PCDHGA1: variants seen among roughly 807,000 people sequenced by gnomAD.
The protein encoded by PCDHGA1 is protocadherin gamma subfamily A, 1.
Under a neutral mutation model 58.0 loss-of-function variants are expected in PCDHGA1, and 32 were observed. That is an observed-to-expected ratio of 0.55 (90% CI 0.42 to 0.74). PCDHGA1 has a LOEUF of 0.74. Among genes scored for constraint, PCDHGA1 ranks in the 30% least tolerant of loss-of-function variants. The pLI is 0.00. For synonymous variants in PCDHGA1, 498 were observed against 501.1 expected, an observed-to-expected ratio of 0.99 and a Z score of 0.08; for missense variants, 1,205 against 1,182.3, an observed-to-expected ratio of 1.02 and a Z score of -0.28.
chr5:141,345,684 T>C, intron 1 of PCDHGA1: 1 of 1,614,188 alleles, frequency 6.2e-7, no homozygotes, highest in Non-Finnish European at 8.5e-7. Context: ...GCTGAACCTG[T>C]TCGTGCTGGA....
Position 141,477,531 on chromosome 5 carries a change from C to G in PCDHGA1, c.2422-17276C>G. ...GTTTACATTGAAGAAAACAACCTCC[C>G]CGGGGCTCCAATACTAAACCTAAGT... On this transcript the variant is annotated intron_variant, in intron 1 of 3. Coordinates refer to ENST00000517417, the MANE Select transcript of PCDHGA1 (RefSeq NM_018912.3). This position sits in a 1 kb window ranked among gnomAD's most constrained non-coding sequence, Gnocchi z 4.9. The G allele has an allele frequency of 6.2e-7, 1 of 1,614,162 alleles. No homozygotes were observed. Among genetic ancestry groups the G allele is most frequent in the South Asian group, 1.1e-5 (1 of 91,086 alleles).
At position 141,421,041 on chromosome 5, in the gene PCDHGA1, C is replaced by T. The variant is rs963777669; in HGVS notation, c.2422-73766C>T. The T allele has an allele frequency of 1.8e-5, 10 of 546,514 alleles. No individual in the cohort carries two copies. The African/African-American group carries it at 1.9e-4, about 11-fold the overall frequency. 33.9% of individuals were successfully genotyped at this position (546,514 alleles called of 1,614,324 possible). A position where few individuals can be genotyped will look rare whatever the true frequency, so the allele number is the denominator to read the frequency against. ...CTGCGCGCCATTGAGTCCCTCCCTC[C>T]CCCGCCTCTACCACACAAAGCGGAA... On this transcript the variant is annotated intron_variant, in intron 1 of 3. Coordinates refer to ENST00000517417, the MANE Select transcript of PCDHGA1 (RefSeq NM_018912.3).
At chr5:141,344,212 C>G in intron 1 of PCDHGA1, 1 of 1,613,992 alleles carries the variant, frequency 6.2e-7, no homozygotes, top group Admixed American at 1.7e-5. Flanking sequence ...CGGGAGCTGG[C>G]GGAGCGCGGA....
intron 1 of PCDHGA1, chr5:141,383,863 C>T: frequency 6.2e-7 from 1 of 1,613,890 alleles, no homozygotes; most frequent in South Asian, 1.1e-5. Flanking sequence ...GGTTCAGGCT[C>T]AAGATGGTCC....
Position 141,490,900 on chromosome 5 carries a change from G to A in PCDHGA1, c.2422-3907G>A, listed in dbSNP as rs2099705863. 2 of 1,613,796 alleles carry A rather than the reference G, an allele frequency of 1.2e-6. No individual in the cohort carries two copies. The highest frequency in any genetic ancestry group is 2.7e-5 in the African/African-American group (2 of 75,050). ...TGCCAACACATCTCTGCATGTGTTT[G>A]TCCTAGACGAGAATGATAATGCCCC... On this transcript the variant is annotated intron_variant, in intron 1 of 3. Transcript: ENST00000517417. The surrounding 1 kb of genome is among the most constrained non-coding windows in gnomAD (Gnocchi z 5.4).
rs1024937106 is a variant in PCDHGA1 at position 141,343,955 on chromosome 5, G to A, written c.2421+10850G>A. The stretch of plus-strand genomic sequence containing the variant: ...GTGAATTAGGCCCGTAAAAGACTTC[G>A]TTTCTTGAGAAAATAAGATTGGAGT... On this transcript the variant is annotated intron_variant, in intron 1 of 3. Transcript: ENST00000517417. The A allele has an allele frequency of 6.0e-6, 8 of 1,341,250 alleles. No individual in the cohort carries two copies. In the African/African-American group the frequency reaches 8.9e-5, roughly 15 times the overall value. The allele number at this position is 1,341,250 out of a possible 1,614,324, so 83.1% of individuals were successfully genotyped here. A position where few individuals can be genotyped will look rare whatever the true frequency, so the allele number is the denominator to read the frequency against.
rs757707945 is a variant in PCDHGA1 at position 141,399,045 on chromosome 5, A to C, written c.2421+65940A>C. On this transcript the variant is annotated intron_variant, in intron 1 of 3. Coordinates refer to ENST00000517417, the MANE Select transcript of PCDHGA1 (RefSeq NM_018912.3). ...CCACTCAAAAGAAACTGGATTTTGAAGAGACCAAGGAATATTCAATGGTTG... is the reference window on the plus strand; with the variant it reads ...CCACTCAAAAGAAACTGGATTTTGACGAGACCAAGGAATATTCAATGGTTG... The C allele has an allele frequency of 3.1e-6, 5 of 1,613,878 alleles. No individual in the cohort carries two copies. The Admixed American group carries it at 5.0e-5, about 16-fold the overall frequency.
intron 1 of PCDHGA1, among the ~76,000 whole-genome samples, chr5:141,446,777 C>CTT (rs1480571336): frequency 1.3e-5 from 2 of 152,072 alleles, no homozygotes; most frequent in Non-Finnish European, 2.9e-5. Flanking sequence ...GGTTACCATT[C>CTT]TTTTACTCTG....
At chr5:141,458,485 A>G (rs2098946793) in intron 1 of PCDHGA1, among the ~76,000 whole-genome samples, 1 of 151,558 alleles carries the variant, frequency 6.6e-6, no homozygotes, top group Non-Finnish European at 1.5e-5. Context: ...GAAAATGAGG[A>G]CTGCCTGTAC....
At position 141,431,578 on chromosome 5, in the gene PCDHGA1, C is replaced by T. The variant is rs756332070; in HGVS notation, c.2422-63229C>T. 6.2e-7 allele frequency: 1 copy of T among 1,614,164 alleles called. No homozygotes were observed. On this transcript the variant is annotated intron_variant, in intron 1 of 3. Coordinates refer to ENST00000517417, the MANE Select transcript of PCDHGA1 (RefSeq NM_018912.3). This position sits in a 1 kb window ranked among gnomAD's most constrained non-coding sequence, Gnocchi z 4.8. ...ACGCTACCGACCCTGACGAAGGAGT[C>T]AATGCGGAAGTGAGGTATTCCTTCC...
intron 1 of PCDHGA1, chr5:141,421,294 A>G (rs779984795): frequency 1.9e-6 from 3 of 1,613,304 alleles, no homozygotes; most frequent in Non-Finnish European, 2.5e-6. Context: ...TTTCCTGGGG[A>G]CGCTGCGGGG....
rs979093310 is a variant in PCDHGA1 at position 141,486,621 on chromosome 5, A to G, written c.2422-8186A>G. On this transcript the variant is annotated intron_variant, in intron 1 of 3. Transcript: ENST00000517417. This position sits in a 1 kb window ranked among gnomAD's most constrained non-coding sequence, Gnocchi z 5.0. The stretch of plus-strand genomic sequence containing the variant: ...TGCTCCCTTGCAGCCTCTGACCCAG[A>G]CTCTGGCTTGAATGCGCTTATCTCC... 6.2e-7 allele frequency: 1 copy of G among 1,613,388 alleles called. No individual in the cohort carries two copies. The highest frequency in any genetic ancestry group is 1.3e-5 in the African/African-American group (1 of 74,960).
At chr5:141,357,524 A>G (rs1760641249) in intron 1 of PCDHGA1, 1 of 1,614,218 alleles carries the variant, frequency 6.2e-7, no homozygotes, top group Non-Finnish European at 8.5e-7. Context: ...CAACCCAGCT[A>G]TGCAGACACG....
At chr5:141,428,064 G>C in intron 1 of PCDHGA1, 1 of 1,609,060 alleles carries the variant, frequency 6.2e-7, no homozygotes, top group East Asian at 2.2e-5. Flanking sequence ...GGCGGTGGAC[G>C]CAGATTCGGG....
At chr5:141,439,190 CAA>C (rs200519543) in intron 1 of PCDHGA1, among the ~76,000 whole-genome samples, 3 of 111,702 alleles carry the variant, frequency 2.7e-5, no homozygotes, top group Non-Finnish European at 4.0e-5. Flanking sequence ...GAGACTCTGA[CAA>C]AAAAAAAAAA....
intron 1 of PCDHGA1, chr5:141,360,061 T>A: frequency 6.9e-7 from 1 of 1,452,308 alleles, no homozygotes; most frequent in Non-Finnish European, 9.1e-7. Flanking sequence ...GCAGGAAAAG[T>A]GACCTTAGCC....
At position 141,491,770 on chromosome 5, in the gene PCDHGA1, G is replaced by C. The variant is rs1230581925; in HGVS notation, c.2422-3037G>C. 1 of 1,560,888 alleles carries C rather than the reference G, an allele frequency of 6.4e-7. No individual in the cohort carries two copies. Among genetic ancestry groups the C allele is most frequent in the Non-Finnish European group, 8.7e-7 (1 of 1,154,942 alleles). On this transcript the variant is annotated intron_variant, in intron 1 of 3. Coordinates refer to ENST00000517417, the MANE Select transcript of PCDHGA1 (RefSeq NM_018912.3). This position sits in a 1 kb window ranked among gnomAD's most constrained non-coding sequence, Gnocchi z 6.9. ...TGGAGAAGCCGCCCGTCCTCATAAG[G>C]GATTGAACTTGCATCCACTCCTCTC...
chr5:141,347,723 G>A (rs529643058), intron 1 of PCDHGA1, among the ~76,000 whole-genome samples: 22 of 151,470 alleles, frequency 1.5e-4, no homozygotes, highest in Admixed American at 2.6e-4. Context: ...GGAGGCAGAA[G>A]TTGCAGAGAG....
chr5:141,344,135 G>A (rs763070238), intron 1 of PCDHGA1: 1 of 1,614,010 alleles, frequency 6.2e-7, no homozygotes, highest in Non-Finnish European at 8.5e-7. Flanking sequence ...TCCGCTACTC[G>A]GTGTCTGAGG....
Sources: allele counts gnomAD v4.1 joint callset (sites outside exome capture counted in the v4.1 genomes callset), GRCh38; gene constraint gnomAD v4.1.1; non-coding constraint Gnocchi (gnomAD v3.1); transcripts MANE v1.5; gene names NCBI Gene and HGNC (gene_info 2026-07-23, HGNC 2026-07-21).